The following FRYL variants were observed in gnomAD, a reference collection of about 807,000 sequenced individuals.
FRYL encodes the protein FRY like transcription coactivator, also known as protein furry homolog-like.
Under a neutral mutation model 351.2 loss-of-function variants are expected in FRYL, and 150 were observed. The ratio of observed to expected loss-of-function variants is 0.43; its 90% CI spans 0.37 to 0.49. The LOEUF is 0.49. Among genes scored for constraint, FRYL ranks in the 20% least tolerant of loss-of-function variants. The pLI, the probability that FRYL is intolerant of heterozygous loss-of-function variation, is 0.00. For missense variants in FRYL, 3,036 were observed against 3,619.3 expected, an observed-to-expected ratio of 0.84 and a Z score of 4.13; for synonymous variants, 1,153 against 1,257.1, an observed-to-expected ratio of 0.92 and a Z score of 1.75.
intron 35 of FRYL, among the ~76,000 whole-genome samples, chr4:48,555,682 T>C (rs1380026993): frequency 6.6e-6 from 1 of 152,128 alleles, no homozygotes; most frequent in Non-Finnish European, 1.5e-5. Context: ...CCAGACAGAA[T>C]ATAGGAGACA....
rs1577788853 is a variant in FRYL at position 48,499,575 on chromosome 4, A to C, written c.8889T>G (p.Phe2963Leu). The C allele has an allele frequency of 6.2e-7, 1 of 1,614,152 alleles. No homozygotes were observed. Residue 2963 changes from phenylalanine (F) to leucine (L), a missense_variant, in exon 64 of 64, where the codon TTT (phenylalanine) becomes TTG (leucine). This residue lies in a region of FRYL where 1,987 missense variants were observed against 2,311.7 expected (regional missense o/e 0.86). Coordinates refer to ENST00000358350, the MANE Select transcript of FRYL (RefSeq NM_015030.2). ...HHQTLGQTGS[F>L]AVIGSNLDMS... ...TGTCCAGGTTAGAGCCTATAACTGC[A>C]AAGCTTCCTGTCTGGCCCAGCGTCT...
At chr4:48,671,713 C>T in intron 3 of FRYL, among the ~76,000 whole-genome samples, 1 of 149,936 alleles carries the variant, frequency 6.7e-6, no homozygotes. Flanking sequence ...ATTAGCCGGG[C>T]CTGGTGGTGC....
chr4:48,566,572 T>TA (rs1443944321), intron 28 of FRYL, among the ~76,000 whole-genome samples: 1 of 152,208 alleles, frequency 6.6e-6, no homozygotes, highest in Non-Finnish European at 1.5e-5. Flanking sequence ...CATATGTAAT[T>TA]AAGTGCTTAA....
At chr4:48,656,379 T>TATATTATATAATATATACTAAAA in intron 3 of FRYL, among the ~76,000 whole-genome samples, 1 of 119,958 alleles carries the variant, frequency 8.3e-6, no homozygotes, top group African/African-American at 2.9e-5. Context: ...ATATACTAAA[T>TATATTATATAATATATACTAAAA]ATATAATATA....
At chr4:48,598,030 T>C (rs553334030) in intron 13 of FRYL, among the ~76,000 whole-genome samples, 1 of 152,332 alleles carries the variant, frequency 6.6e-6, no homozygotes, top group South Asian at 2.1e-4. Flanking sequence ...TCAAATATAG[T>C]CTTTGGCAAC....
chr4:48,539,819 A>G (rs568769025), intron 47 of FRYL, 152 bp downstream of exon 47: 4 of 558,572 alleles, frequency 7.2e-6, no homozygotes, highest in African/African-American at 5.6e-5. Context: ...ATTACTATGC[A>G]AGTCCTTTAT....
intron 1 of FRYL, among the ~76,000 whole-genome samples, chr4:48,760,276 C>A (rs534982377): frequency 6.6e-6 from 1 of 152,146 alleles, no homozygotes; most frequent in Admixed American, 6.5e-5. Flanking sequence ...GATTCTCATG[C>A]CTCAACCTTC....
intron 1 of FRYL, among the ~76,000 whole-genome samples, chr4:48,746,612 T>C (rs1432043311): frequency 1.3e-5 from 2 of 152,032 alleles, no homozygotes; most frequent in African/African-American, 4.8e-5. Context: ...CGACACTCTT[T>C]CTACCAAAAG....
At chr4:48,779,481 G>A (rs1486262023) in intron 1 of FRYL, among the ~76,000 whole-genome samples, 1 of 152,108 alleles carries the variant, frequency 6.6e-6, no homozygotes, top group Non-Finnish European at 1.5e-5. Context: ...AAGGGAAAAG[G>A]CGGACAATGC....
chr4:48,569,774 TATC>T (rs1737833610), intron 27 of FRYL, among the ~76,000 whole-genome samples: 1 of 152,204 alleles, frequency 6.6e-6, no homozygotes, highest in Admixed American at 6.5e-5. Flanking sequence ...GCTGTGCAGT[TATC>T]ATAGTTACTA....
intron 7 of FRYL, among the ~76,000 whole-genome samples, chr4:48,610,584 A>C (rs1235799194): frequency 6.7e-6 from 1 of 148,834 alleles, no homozygotes; most frequent in Non-Finnish European, 1.5e-5. Context: ...TGATATGTAT[A>C]TATAAACCAT....
intron 14 of FRYL, 60 bp from the exon 15 acceptor site, chr4:48,595,758 A>C (rs544778577): frequency 2.5e-6 from 3 of 1,212,936 alleles, no homozygotes; most frequent in Admixed American, 4.1e-5. Context: ...ATTAGCAAAA[A>C]ATTCTTCCTA....
chr4:48,548,442 T>C (rs1364145030), intron 40 of FRYL, among the ~76,000 whole-genome samples: 4 of 152,096 alleles, frequency 2.6e-5, no homozygotes, highest in South Asian at 2.1e-4. Context: ...TATATGTGTG[T>C]TTGTGTGTGG....
At chr4:48,667,248 G>A (rs959817899) in intron 3 of FRYL, among the ~76,000 whole-genome samples, 6 of 152,168 alleles carry the variant, frequency 3.9e-5, no homozygotes, top group African/African-American at 1.4e-4. Flanking sequence ...CCATTCCACT[G>A]AGGACAGGTC....
At chr4:48,546,634 A>G (rs1487833017) in intron 41 of FRYL, 1 of 201,340 alleles carries the variant, frequency 5.0e-6, no homozygotes. Context: ...TTTATAGAAA[A>G]TTTTCTATAA....
chr4:48,724,577 C>T (rs935713520), intron 1 of FRYL, among the ~76,000 whole-genome samples: 8 of 152,086 alleles, frequency 5.3e-5, no homozygotes, highest in Non-Finnish European at 2.9e-5. Flanking sequence ...GAGTTGGGTG[C>T]GGGGGGGCTG....
intron 1 of FRYL, among the ~76,000 whole-genome samples, chr4:48,746,110 G>A (rs1284059461): frequency 6.6e-6 from 1 of 152,180 alleles, no homozygotes; most frequent in African/African-American, 2.4e-5. Context: ...AATCAATCAA[G>A]CACCTCCGTG....
intron 50 of FRYL, among the ~76,000 whole-genome samples, chr4:48,530,861 T>C (rs1560546081): frequency 6.6e-6 from 1 of 152,226 alleles, no homozygotes; most frequent in Non-Finnish European, 1.5e-5. Context: ...CCTAGCACTT[T>C]TAATGTATTC....
At chr4:48,746,940 G>A (rs1772744671) in intron 1 of FRYL, among the ~76,000 whole-genome samples, 1 of 152,204 alleles carries the variant, frequency 6.6e-6, no homozygotes, top group Admixed American at 6.5e-5. Context: ...GCCTGGTGGA[G>A]CCTAGGCAAC....
Sources: allele counts gnomAD v4.1 joint callset (sites outside exome capture counted in the v4.1 genomes callset), GRCh38; gene constraint gnomAD v4.1.1; regional missense constraint gnomAD v4.1.1; transcripts MANE v1.5; gene names NCBI Gene and HGNC (gene_info 2026-07-23, HGNC 2026-07-21).